Variants in ODAD2 observed in about 807,000 individuals in gnomAD.
ODAD2 encodes outer dynein arm docking complex subunit 2.
In ODAD2, 89 loss-of-function variants were observed where a neutral mutation model predicts 106.8. The ratio of observed to expected loss-of-function variants is 0.83; its 90% CI spans 0.70 to 0.99. The LOEUF is 0.99. ODAD2 is among the 50% of genes least tolerant of loss of function. The pLI is 0.00. For synonymous variants in ODAD2, 404 were observed against 436.2 expected (o/e 0.93, Z 0.92); for missense variants, 1,168 against 1,238.5 (o/e 0.94, Z 0.85).
At chr10:27,985,301 C>A in intron 3 of ODAD2, 90 bp from the exon 4 acceptor site, 1 of 1,060,052 alleles carries the variant, frequency 9.4e-7, no homozygotes, top group Non-Finnish European at 1.3e-6. Context: ...CCTTCAAAGT[C>A]CATTCAGACG....
At chr10:27,906,583 A>G (rs1843607038) in intron 17 of ODAD2, among the ~76,000 whole-genome samples, 1 of 152,236 alleles carries the variant, frequency 6.6e-6, no homozygotes, top group African/African-American at 2.4e-5. Context: ...TTGCAGCACT[A>G]TTCACAATAG....
intron 6 of ODAD2, among the ~76,000 whole-genome samples, chr10:27,982,899 G>A (rs1437504154): frequency 6.6e-6 from 1 of 152,176 alleles, no homozygotes; most frequent in Non-Finnish European, 1.5e-5. Flanking sequence ...TCAAAGCCCA[G>A]CCACCCAGCC....
chr10:27,885,268 T>G (rs959017728), intron 17 of ODAD2, among the ~76,000 whole-genome samples: 3 of 150,126 alleles, frequency 2.0e-5, no homozygotes, highest in African/African-American at 7.4e-5. Flanking sequence ...TCCCAGCACT[T>G]TGGGAGGTCG....
At chr10:27,856,544 C>T (rs1374579254) in intron 19 of ODAD2, among the ~76,000 whole-genome samples, 5 of 152,156 alleles carry the variant, frequency 3.3e-5, no homozygotes, top group Non-Finnish European at 5.9e-5. Context: ...ACATCTCATC[C>T]ACCCTCATTA....
Position 27,987,518 on chromosome 10 carries a change from C to A in ODAD2, c.250G>T (p.Val84Phe), listed in dbSNP as rs1330565412. 1.2e-6 allele frequency: 2 copies of A among 1,611,682 alleles called. No homozygotes were observed. Among genetic ancestry groups the A allele is most frequent in the South Asian group, 1.1e-5 (1 of 90,312 alleles). ...VSETTVKSEE[V>F]DKNGQPLLFL... ...AGCAAAGGCTGTCCATTTTTATCAA[C>A]TTCTTCTGATTTGACTGTTGTTTCA... The change falls in exon 3 of 20, where the codon GTT becomes TTT. Residue 84 changes from valine to phenylalanine, a missense_variant. Coordinates refer to ENST00000305242, the MANE Select transcript of ODAD2 (RefSeq NM_018076.5).
intron 19 of ODAD2, among the ~76,000 whole-genome samples, chr10:27,847,665 A>G (rs958115499): frequency 7.9e-5 from 12 of 152,162 alleles, no homozygotes; most frequent in Non-Finnish European, 1.8e-4. Context: ...TTGTGTATCT[A>G]GAAAGCCCCA....
At chr10:27,963,687 A>G (rs1229314125) in intron 9 of ODAD2, among the ~76,000 whole-genome samples, 1 of 151,294 alleles carries the variant, frequency 6.6e-6, no homozygotes, top group Admixed American at 6.6e-5. Context: ...GTGAATATTC[A>G]TGTTTCACTA....
intron 17 of ODAD2, among the ~76,000 whole-genome samples, chr10:27,872,606 G>C (rs1337741840): frequency 1.3e-5 from 2 of 152,178 alleles, no homozygotes; most frequent in Non-Finnish European, 2.9e-5. Context: ...TGCATCCATT[G>C]AGATAATCAT....
chr10:27,820,107 G>C (rs886226520), intron 19 of ODAD2, among the ~76,000 whole-genome samples: 1 of 152,112 alleles, frequency 6.6e-6, no homozygotes, highest in African/African-American at 2.4e-5. Flanking sequence ...AAGGAAGAGG[G>C]AATTTTGGCC....
chr10:27,878,728 C>T (rs751415515), intron 17 of ODAD2, among the ~76,000 whole-genome samples: 4 of 152,100 alleles, frequency 2.6e-5, no homozygotes, highest in Non-Finnish European at 4.4e-5. Flanking sequence ...CAAAAGTATA[C>T]TTAATGAATT....
intron 17 of ODAD2, among the ~76,000 whole-genome samples, chr10:27,883,142 C>A (rs994829566): frequency 6.6e-5 from 10 of 151,748 alleles, no homozygotes; most frequent in Admixed American, 6.6e-4. Flanking sequence ...GCTGGCTGAC[C>A]TTGAGGTTCT....
intron 17 of ODAD2, among the ~76,000 whole-genome samples, chr10:27,903,754 C>T (rs953890738): frequency 3.3e-5 from 5 of 152,102 alleles, no homozygotes; most frequent in Non-Finnish European, 7.4e-5. Context: ...GCCTCCAGTG[C>T]GGTACCTCCT....
At chr10:27,954,061 T>C (rs547652165) in intron 10 of ODAD2, among the ~76,000 whole-genome samples, 8 of 152,306 alleles carry the variant, frequency 5.3e-5, no homozygotes, top group Non-Finnish European at 1.2e-4. Context: ...TGACAATAGA[T>C]CCATATAAAG....
intron 16 of ODAD2, among the ~76,000 whole-genome samples, chr10:27,932,349 G>A (rs573988263): frequency 1.3e-5 from 2 of 152,246 alleles, no homozygotes; most frequent in African/African-American, 4.8e-5. Flanking sequence ...GGTTGTAGAG[G>A]TACTTGAAGT....
At chr10:27,944,789 C>T (rs1003974162) in intron 11 of ODAD2, 27 bp downstream of exon 11, 9 of 1,613,640 alleles carry the variant, frequency 5.6e-6, no homozygotes, top group African/African-American at 2.7e-5. Context: ...AACAAGACTC[C>T]GCATCCAAGG....
At chr10:27,949,368 G>A in intron 10 of ODAD2, among the ~76,000 whole-genome samples, 1 of 152,124 alleles carries the variant, frequency 6.6e-6, no homozygotes, top group East Asian at 1.9e-4. Context: ...GCTACATGGG[G>A]CAGGGGCATG....
chr10:27,819,205 C>T (rs544007380), intron 19 of ODAD2, among the ~76,000 whole-genome samples: 46 of 151,900 alleles, frequency 3.0e-4, no homozygotes, highest in African/African-American at 1.1e-3. Flanking sequence ...GAGCACAGGT[C>T]GGGGGAATTT....
At chr10:27,832,037 C>T (rs1294641385) in intron 19 of ODAD2, among the ~76,000 whole-genome samples, 1 of 152,226 alleles carries the variant, frequency 6.6e-6, no homozygotes, top group Non-Finnish European at 1.5e-5. Flanking sequence ...AAGGCTGGAC[C>T]ACATACTTTC....
chr10:27,907,022 A>C (rs536683302), intron 17 of ODAD2, among the ~76,000 whole-genome samples: 1 of 152,274 alleles, frequency 6.6e-6, no homozygotes, highest in East Asian at 1.9e-4. Context: ...TTTAAAAAAA[A>C]ATTCAACAGG....
Sources: gnomAD v4.1 joint callset for allele counts (sites outside exome capture counted in the v4.1 genomes callset) on GRCh38, gnomAD v4.1.1 for gene constraint, MANE v1.5 for transcripts, NCBI Gene and HGNC (gene_info 2026-07-23, HGNC 2026-07-21) for gene names.